CACNA1A: variants seen among roughly 807,000 people sequenced by gnomAD.
The protein encoded by CACNA1A is voltage-dependent P/Q-type calcium channel subunit alpha-1A.
Under a neutral mutation model 262.4 loss-of-function variants are expected in CACNA1A, and 57 were observed. The observed-to-expected ratio is 0.22, with a 90% CI of 0.18 to 0.27. The LOEUF (loss-of-function observed/expected upper bound fraction) is 0.27. CACNA1A is among the 10% of genes least tolerant of loss of function. The pLI is 1.00. For synonymous variants in CACNA1A, 1,431 were observed against 1,419.3 expected (o/e 1.01, Z -0.18); for missense variants, 2,526 against 3,562.8 (o/e 0.71, Z 7.41).
At chr19:13,270,188 G>A (rs59328331) in intron 24 of CACNA1A, among the ~76,000 whole-genome samples, 9,706 of 152,078 alleles carry the variant, frequency 0.064, 514 homozygotes, top group East Asian at 0.16. Context: ...CCTCTGGGCC[G>A]CAGTTTCCTC....
intron 19 of CACNA1A, among the ~76,000 whole-genome samples, chr19:13,296,331 A>G (rs1339139174): frequency 6.6e-6 from 1 of 152,218 alleles, no homozygotes; most frequent in Admixed American, 6.5e-5. Flanking sequence ...AAAAAAATCA[A>G]TATTATGCCC....
Position 13,299,227 on chromosome 19 carries a change from G to A in CACNA1A, c.2406C>T (p.Arg802=). 1 of 1,610,714 alleles carries A rather than the reference G, an allele frequency of 6.2e-7. No individual in the cohort carries two copies. The highest frequency in any genetic ancestry group is 8.5e-7 in the Non-Finnish European group (1 of 1,179,870). The change falls in exon 19 of 47, where the codon CGC becomes CGT. Residue 802 remains arginine (R), a synonymous_variant. Coordinates refer to ENST00000360228, the MANE Select transcript of CACNA1A (RefSeq NM_001127222.2). The part of the protein sequence containing the change: ...ALYNEMDPDE[R]WKAAYTRHLR... ...GGTGCCGCGTGTAGGCAGCCTTCCA[G>A]CGCTCGTCCGGGTCCATTTCGTTAT...
In CACNA1A at chr19:13,506,318, G is replaced by C; in HGVS notation, c.-94C>G. 3.4e-6 allele frequency: 4 copies of C among 1,183,012 alleles called. No individual in the cohort carries two copies. The highest frequency in any genetic ancestry group is 1.6e-5 in the African/African-American group (1 of 61,396). The allele number at this position is 1,183,012 out of a possible 1,614,324, so 73.3% of individuals were successfully genotyped here. A position where few individuals can be genotyped will look rare whatever the true frequency, so the allele number is the denominator to read the frequency against. On this transcript the variant is annotated 5_prime_UTR_variant, in exon 1 of 47. Coordinates refer to ENST00000360228, the MANE Select transcript of CACNA1A (RefSeq NM_001127222.2). ...GCCGCCGCTGATGCTGAGGCTGCCGGGGCTGGGAGCGCGGCGGCTGGAGCT... is the reference window on the plus strand; with the variant it reads ...GCCGCCGCTGATGCTGAGGCTGCCGCGGCTGGGAGCGCGGCGGCTGGAGCT...
intron 26 of CACNA1A, 95 bp from the exon 27 acceptor site, chr19:13,259,796 G>A (rs1173851208): frequency 7.2e-7 from 1 of 1,397,880 alleles, no homozygotes; most frequent in African/African-American, 1.4e-5. Context: ...GAAAGGAAGA[G>A]TGGTCCACCA....
intron 1 of CACNA1A, among the ~76,000 whole-genome samples, chr19:13,474,275 T>C (rs188199829): frequency 6.6e-6 from 1 of 152,298 alleles, no homozygotes; most frequent in Admixed American, 6.5e-5. Context: ...GGGGGCAGGA[T>C]ATTTGCAACA....
chr19:13,385,468 T>A (rs1032982895), intron 3 of CACNA1A, among the ~76,000 whole-genome samples: 2 of 152,016 alleles, frequency 1.3e-5, no homozygotes, highest in Non-Finnish European at 2.9e-5. Flanking sequence ...GACCTTGCGA[T>A]TCACCTGCCT....
chr19:13,293,840 GT>G (rs2057600115), intron 19 of CACNA1A, among the ~76,000 whole-genome samples: 1 of 151,378 alleles, frequency 6.6e-6, no homozygotes, highest in Non-Finnish European at 1.5e-5. Flanking sequence ...CCAGAGAGGA[GT>G]GAAATTCTGA....
chr19:13,220,814 TGG>T (rs1316374779), intron 38 of CACNA1A, among the ~76,000 whole-genome samples: 1 of 152,116 alleles, frequency 6.6e-6, no homozygotes. Flanking sequence ...TCTGTAGAGA[TGG>T]GGTCTCTCTG....
At chr19:13,229,286 G>A (rs2144619127) in intron 36 of CACNA1A, among the ~76,000 whole-genome samples, 1 of 152,276 alleles carries the variant, frequency 6.6e-6, no homozygotes, top group South Asian at 2.1e-4. Flanking sequence ...TGAGGCCAGA[G>A]GAAGATGGGG....
intron 3 of CACNA1A, among the ~76,000 whole-genome samples, chr19:13,440,121 A>AAG (rs2060689829): frequency 6.6e-6 from 1 of 152,010 alleles, no homozygotes; most frequent in Non-Finnish European, 1.5e-5. Flanking sequence ...TACCACCCCC[A>AAG]GCTAATTAAA....
chr19:13,301,382 C>G (rs561649747), intron 17 of CACNA1A, among the ~76,000 whole-genome samples: 74 of 152,312 alleles, frequency 4.9e-4, no homozygotes, highest in Non-Finnish European at 8.5e-4. Context: ...ACAGAAGAGC[C>G]TGGCATCCGA....
rs34472942 is a variant in CACNA1A, at chr19:13,340,424, ATTT to A, written c.979-4518_979-4516del. On this transcript the variant is annotated intron_variant, in intron 6 of 46. Transcript: ENST00000360228. ...AGAAAGCTGAGGCACAGAGAGGTCTATTTTTTTTTTTTTTTTTTTTGAGATGGA... is the reference window on the plus strand; with the variant it reads ...AGAAAGCTGAGGCACAGAGAGGTCTATTTTTTTTTTTTTTTTTGAGATGGA... Among the ~76,000 whole-genome samples the A allele has an allele frequency of 4.3e-3, 485 of 111,930 alleles. 3 individuals are homozygous for A. Among genetic ancestry groups the A allele is most frequent in the African/African-American group, 0.013 (382 of 28,990 alleles). 73.4% of individuals were successfully genotyped at this position (111,930 alleles called of 152,430 possible). A position where few individuals can be genotyped will look rare whatever the true frequency, so the allele number is the denominator to read the frequency against.
chr19:13,209,626 G>A (rs958490127), intron 44 of CACNA1A, 128 bp from the exon 45 acceptor site: 8 of 631,700 alleles, frequency 1.3e-5, no homozygotes, highest in Non-Finnish European at 1.8e-5. Context: ...CCTGGGGCAG[G>A]GGCCAGGGGA....
rs77081746 is a variant in CACNA1A, at chr19:13,246,121, G to A, written c.4867-856C>T. ...GTTGGCAGCATACTCGCAAAGAAAG[G>A]AGACTCTGGGTTCAAATCCCAGCTC... On this transcript the variant is annotated intron_variant, in intron 30 of 46. Coordinates refer to ENST00000360228, the MANE Select transcript of CACNA1A (RefSeq NM_001127222.2). Among the ~76,000 whole-genome samples, 292 of 152,338 alleles carry A rather than the reference G, an allele frequency of 1.9e-3. 8 individuals carry two copies. The East Asian group carries it at 0.047, about 24-fold the overall frequency.
At chr19:13,446,250 G>GA (rs59977753) in intron 3 of CACNA1A, among the ~76,000 whole-genome samples, 16,632 of 89,852 alleles carry the variant, frequency 0.19, 1,439 homozygotes, top group East Asian at 0.36. Flanking sequence ...ACTCTGTCCC[G>GA]AAAAAAAAAA....
At chr19:13,218,404 C>T (rs1370469696) in intron 38 of CACNA1A, among the ~76,000 whole-genome samples, 1 of 152,110 alleles carries the variant, frequency 6.6e-6, no homozygotes, top group Non-Finnish European at 1.5e-5. Flanking sequence ...CCCTGGGGCA[C>T]CAAGGCTCAG....
At chr19:13,494,887 C>T (rs1981311103) in intron 1 of CACNA1A, among the ~76,000 whole-genome samples, 1 of 152,130 alleles carries the variant, frequency 6.6e-6, no homozygotes, top group South Asian at 2.1e-4. Flanking sequence ...CCTCCCATGA[C>T]ATGTGGGTAT....
At chr19:13,275,394 C>T (rs1359206797) in intron 24 of CACNA1A, 1 of 177,784 alleles carries the variant, frequency 5.6e-6, no homozygotes, top group East Asian at 1.5e-4. Context: ...GAAAGACACA[C>T]AAAGGGAGTC....
chr19:13,211,995 G>C, intron 43 of CACNA1A, 108 bp downstream of exon 43: 1 of 700,302 alleles, frequency 1.4e-6, no homozygotes. Flanking sequence ...CCCTACCCAG[G>C]CCTGAGTCCG....
Sources: allele counts gnomAD v4.1 joint callset (sites outside exome capture counted in the v4.1 genomes callset), GRCh38; gene constraint gnomAD v4.1.1; transcripts MANE v1.5; gene names NCBI Gene and HGNC (gene_info 2026-07-23, HGNC 2026-07-21).